Variants in KHDC1 observed in about 807,000 individuals in gnomAD.
KHDC1 encodes KH homology domain-containing protein 1.
In KHDC1, 21 loss-of-function variants were observed where a neutral mutation model predicts 24.7. That is an observed-to-expected ratio of 0.85 (90% CI 0.60 to 1.23). The LOEUF (loss-of-function observed/expected upper bound fraction) is 1.23. Ranked by LOEUF, KHDC1 falls within the 50% of genes most tolerant of loss-of-function variation. The pLI is 0.00. For missense variants in KHDC1, 274 were observed against 298.5 expected (o/e 0.92, Z 0.61); for synonymous variants, 98 against 111.7 (o/e 0.88, Z 0.77).
At chr6:73,287,342 TAAC>T (rs1484739006) in intron 2 of KHDC1, among the ~76,000 whole-genome samples, 1 of 152,124 alleles carries the variant, frequency 6.6e-6, no homozygotes, top group Non-Finnish European at 1.5e-5. Context: ...ACAATCATCA[TAAC>T]AAGTGGCAAG....
intron 2 of KHDC1, among the ~76,000 whole-genome samples, chr6:73,262,567 T>A (rs1766998913): frequency 6.6e-6 from 1 of 150,892 alleles, no homozygotes; most frequent in African/African-American, 2.5e-5. Context: ...ACAAAACCCG[T>A]GTTTCTTTTC....
intron 2 of KHDC1, among the ~76,000 whole-genome samples, chr6:73,288,058 C>G (rs2168113): frequency 1.3e-5 from 2 of 152,030 alleles, no homozygotes; most frequent in Admixed American, 6.6e-5. Flanking sequence ...CAGAAGCTAG[C>G]GGCACCCTTA....
intron 2 of KHDC1, among the ~76,000 whole-genome samples, chr6:73,265,351 G>A (rs1767059893): frequency 6.6e-6 from 1 of 152,036 alleles, no homozygotes; most frequent in Non-Finnish European, 1.5e-5. Context: ...CCAACATGGT[G>A]AAACCCCATC....
At chr6:73,290,998 AC>A in intron 2 of KHDC1, 1 of 358,994 alleles carries the variant, frequency 2.8e-6, no homozygotes, top group South Asian at 2.3e-5. Context: ...CCTGATCTCT[AC>A]TTCTATAGAG....
chr6:73,289,844 T>G (rs1345075179), intron 2 of KHDC1, among the ~76,000 whole-genome samples: 3 of 151,722 alleles, frequency 2.0e-5, no homozygotes, highest in Non-Finnish European at 2.9e-5. Context: ...CTCACGCCTG[T>G]AATCCCAGCA....
chr6:73,245,269 C>T (rs1331604384), intron 2 of KHDC1, among the ~76,000 whole-genome samples: 1 of 152,050 alleles, frequency 6.6e-6, no homozygotes, highest in Non-Finnish European at 1.5e-5. Flanking sequence ...CTTAAGAATC[C>T]TCAGTTTATG....
intron 2 of KHDC1, among the ~76,000 whole-genome samples, chr6:73,280,126 A>G (rs1767376691): frequency 6.6e-6 from 1 of 152,070 alleles, no homozygotes; most frequent in African/African-American, 2.4e-5. Context: ...CCTCCTTCAA[A>G]TTAAAATTAA....
Position 73,242,989 on chromosome 6 carries a change from G to A in KHDC1, c.207-459C>T, listed in dbSNP as rs1053634129. Among the ~76,000 whole-genome samples, 5 of 152,132 alleles carry A rather than the reference G, an allele frequency of 3.3e-5. 1 individual carries two copies. Among genetic ancestry groups the A allele is most frequent in the South Asian group, 4.2e-4 (2 of 4,798 alleles). ...TGCATCAAGGGAGAGCAAACAACAC[G>A]GGAAAATACACTTTACACAAACAGA... is the stretch of plus-strand genomic sequence containing the variant. On this transcript the variant is annotated intron_variant, in intron 2 of 4. Coordinates refer to ENST00000370384, the Ensembl canonical transcript of KHDC1.
At chr6:73,270,866 A>AT (rs1200740596) in intron 2 of KHDC1, among the ~76,000 whole-genome samples, 4 of 151,508 alleles carry the variant, frequency 2.6e-5, no homozygotes, top group Non-Finnish European at 5.9e-5. Flanking sequence ...AATTTTTTGT[A>AT]TTTTTAGTAG....
chr6:73,310,192 C>G (rs1225468300), exon 1 of KHDC1: 2 of 162,456 alleles, frequency 1.2e-5, no homozygotes, highest in Non-Finnish European at 2.7e-5. Flanking sequence ...TTAATTACAC[C>G]GCCCTGGACC....
At chr6:73,262,221 A>G (rs1010666368) in intron 2 of KHDC1, among the ~76,000 whole-genome samples, 6 of 152,206 alleles carry the variant, frequency 3.9e-5, no homozygotes, top group African/African-American at 1.4e-4. Flanking sequence ...ATAATAGTAT[A>G]CCCATTTCAT....
intron 2 of KHDC1, among the ~76,000 whole-genome samples, chr6:73,267,390 C>T (rs191857382): frequency 5.1e-4 from 78 of 151,850 alleles, no homozygotes; most frequent in African/African-American, 1.7e-3. Context: ...GGCTGAGGCA[C>T]GAGAATTGCT....
At chr6:73,303,026 G>C (rs774666996) in intron 1 of KHDC1, among the ~76,000 whole-genome samples, 2 of 152,272 alleles carry the variant, frequency 1.3e-5, no homozygotes, top group East Asian at 1.9e-4. Context: ...GCAGTGAGTC[G>C]ACATTGTGCC....
At chr6:73,284,100 T>G (rs1767472173) in intron 2 of KHDC1, among the ~76,000 whole-genome samples, 1 of 152,170 alleles carries the variant, frequency 6.6e-6, no homozygotes, top group African/African-American at 2.4e-5. Flanking sequence ...CGTTCCTCTC[T>G]AAAACGGATC....
intron 1 of KHDC1, among the ~76,000 whole-genome samples, chr6:73,309,137 A>G (rs543955441): frequency 6.6e-6 from 1 of 152,292 alleles, no homozygotes; most frequent in Non-Finnish European, 1.5e-5. Context: ...ATTTTTAAGG[A>G]GTTCTCAGGT....
intron 2 of KHDC1, chr6:73,263,039 GGGC>G (rs544476875): frequency 4.0e-4 from 385 of 964,274 alleles, no homozygotes; most frequent in South Asian, 1.1e-3. Context: ...TCCCTGAGTA[GGGC>G]GGCGGCGGCG....
At chr6:73,287,112 A>ATTTTC (rs1767537502) in intron 2 of KHDC1, among the ~76,000 whole-genome samples, 1 of 152,206 alleles carries the variant, frequency 6.6e-6, no homozygotes, top group African/African-American at 2.4e-5. Context: ...TGGAAAATCC[A>ATTTTC]CAAGAGGACC....
intron 1 of KHDC1, among the ~76,000 whole-genome samples, chr6:73,298,423 ATTTTTTTTTTTTTTTTTTTT>A (rs370446904): frequency 1.7e-5 from 1 of 59,956 alleles, no homozygotes; most frequent in Non-Finnish European, 2.8e-5. Context: ...TACTTTGCAA[ATTTTTTTTTTTTTTTTTTTT>A]TTTTTTTTTT....
Position 73,251,864 on chromosome 6 carries a change from C to T in KHDC1, c.207-9334G>A, listed in dbSNP as rs76802613. Among the ~76,000 whole-genome samples, 482 of 148,458 alleles carry T rather than the reference C, an allele frequency of 3.2e-3. 5 individuals carry two copies. Among genetic ancestry groups the T allele is most frequent in the African/African-American group, 0.012 (472 of 40,112 alleles). On this transcript the variant is annotated intron_variant, in intron 2 of 4. Transcript: ENST00000370384. Reference sequence around the variant, plus strand: ...CCATGCTGGAGTACAGTAGCAAGATCACAGCTAACTGCACCCTCAGCCTCC... The same window carrying T: ...CCATGCTGGAGTACAGTAGCAAGATTACAGCTAACTGCACCCTCAGCCTCC...
Sources: allele counts gnomAD v4.1 joint callset (sites outside exome capture counted in the v4.1 genomes callset), GRCh38; gene constraint gnomAD v4.1.1; transcripts MANE v1.5; gene names NCBI Gene and HGNC (gene_info 2026-07-23, HGNC 2026-07-21).